The following CCDC91 variants were observed in gnomAD, a reference collection of about 807,000 sequenced individuals.
CCDC91 encodes the protein coiled-coil domain-containing protein 91.
Under a neutral mutation model 63.2 loss-of-function variants are expected in CCDC91, and 48 were observed. The observed-to-expected ratio is 0.76, with a 90% CI of 0.60 to 0.97. CCDC91 has a LOEUF of 0.97. Ranked by LOEUF, CCDC91 falls within the 50% of genes least tolerant of loss-of-function variation. CCDC91 has a pLI of 0.00. For synonymous variants in CCDC91, 167 were observed against 165.8 expected (o/e 1.01, Z -0.06); for missense variants, 500 against 494.6 (o/e 1.01, Z -0.10).
At chr12:28,423,215 A>G (rs1392589462) in intron 8 of CCDC91, among the ~76,000 whole-genome samples, 3 of 152,120 alleles carry the variant, frequency 2.0e-5, no homozygotes, top group Non-Finnish European at 4.4e-5. Context: ...GACTACAAAT[A>G]GAGAAAAATT....
At chr12:28,272,455 TAC>T (rs1947847590) in intron 3 of CCDC91, among the ~76,000 whole-genome samples, 1 of 146,856 alleles carries the variant, frequency 6.8e-6, no homozygotes, top group Non-Finnish European at 1.5e-5. Context: ...AAACTCTCTC[TAC>T]TATGTCCATT....
At chr12:28,224,267 A>G (rs1944133783) in intron 1 of CCDC91, among the ~76,000 whole-genome samples, 1 of 152,122 alleles carries the variant, frequency 6.6e-6, no homozygotes, top group South Asian at 2.1e-4. Context: ...GGTCTGCTTT[A>G]CCAACAATTT....
chr12:28,417,575 A>T (rs1209138527), intron 8 of CCDC91, among the ~76,000 whole-genome samples: 1 of 151,626 alleles, frequency 6.6e-6, no homozygotes, highest in African/African-American at 2.4e-5. Context: ...ATAAATGTAT[A>T]TATTAAAATT....
chr12:28,350,779 T>A (rs1443840430), intron 6 of CCDC91, among the ~76,000 whole-genome samples: 2 of 152,198 alleles, frequency 1.3e-5, no homozygotes, highest in Non-Finnish European at 2.9e-5. Context: ...CTTCTGGCAG[T>A]ATGACTGACT....
chr12:28,316,516 T>C (rs1273112735), intron 6 of CCDC91, among the ~76,000 whole-genome samples: 2 of 149,620 alleles, frequency 1.3e-5, no homozygotes, highest in African/African-American at 4.9e-5. Context: ...TTCTTTTTAT[T>C]TTATTTATTT....
intron 6 of CCDC91, among the ~76,000 whole-genome samples, chr12:28,353,157 A>G (rs1422513956): frequency 6.6e-6 from 1 of 152,178 alleles, no homozygotes; most frequent in Non-Finnish European, 1.5e-5. Context: ...ATCTCTGATA[A>G]CCTCAGATTT....
intron 1 of CCDC91, among the ~76,000 whole-genome samples, chr12:28,247,441 C>G (rs1327615248): frequency 6.8e-6 from 1 of 146,022 alleles, no homozygotes; most frequent in East Asian, 2.0e-4. Context: ...GACCGGGCCA[C>G]TGCACTCCAG....
At chr12:28,300,300 A>G (rs1270354800) in intron 3 of CCDC91, among the ~76,000 whole-genome samples, 2 of 151,508 alleles carry the variant, frequency 1.3e-5, no homozygotes, top group African/African-American at 4.8e-5. Context: ...CAACTAATCA[A>G]TTGTTCTATC....
intron 7 of CCDC91, among the ~76,000 whole-genome samples, chr12:28,370,850 A>C (rs1944575169): frequency 6.6e-6 from 1 of 152,164 alleles, no homozygotes; most frequent in Non-Finnish European, 1.5e-5. Flanking sequence ...AAGTGGGAAG[A>C]GCCACACTTT....
chr12:28,415,608 T>C (rs1417623736), intron 8 of CCDC91, among the ~76,000 whole-genome samples: 5 of 152,084 alleles, frequency 3.3e-5, no homozygotes, highest in Non-Finnish European at 1.5e-5. Flanking sequence ...AACATGGAAA[T>C]TTTTTTGTAA....
chr12:28,211,884 C>T (rs1436814285), intron 1 of CCDC91, among the ~76,000 whole-genome samples: 1 of 152,024 alleles, frequency 6.6e-6, no homozygotes, highest in African/African-American at 2.4e-5. Context: ...AGTTTGCTAC[C>T]AGTTTCTTTG....
chr12:28,407,900 C>T (rs1322757667), intron 8 of CCDC91, among the ~76,000 whole-genome samples: 1 of 150,852 alleles, frequency 6.6e-6, no homozygotes, highest in African/African-American at 2.4e-5. Flanking sequence ...CTCATGCTTG[C>T]TGCTAGGACA....
intron 3 of CCDC91, among the ~76,000 whole-genome samples, chr12:28,281,144 T>G (rs1948588318): frequency 6.6e-6 from 1 of 152,212 alleles, no homozygotes; most frequent in Non-Finnish European, 1.5e-5. Flanking sequence ...TAATGCTATT[T>G]AGTCTTAATA....
intron 8 of CCDC91, among the ~76,000 whole-genome samples, chr12:28,417,889 TA>T (rs1336602934): frequency 1.3e-5 from 2 of 152,136 alleles, no homozygotes; most frequent in Non-Finnish European, 2.9e-5. Context: ...GTTGTATATT[TA>T]TTCATAGTTT....
intron 1 of CCDC91, among the ~76,000 whole-genome samples, chr12:28,226,365 C>G (rs1366048577): frequency 6.6e-6 from 1 of 152,140 alleles, no homozygotes; most frequent in Non-Finnish European, 1.5e-5. Flanking sequence ...GTCTTAAATT[C>G]TGTGGATTCT....
At chr12:28,391,524 A>G in intron 8 of CCDC91, 113 bp downstream of exon 8, 1 of 590,976 alleles carries the variant, frequency 1.7e-6, no homozygotes, top group Non-Finnish European at 2.9e-6. Context: ...TATTTTGGAG[A>G]AAAAATGTGC....
intron 8 of CCDC91, among the ~76,000 whole-genome samples, chr12:28,403,602 C>A (rs1946764456): frequency 6.6e-6 from 1 of 152,070 alleles, no homozygotes; most frequent in Non-Finnish European, 1.5e-5. Flanking sequence ...CAAATGCCCC[C>A]CCTCCTAATA....
intron 8 of CCDC91, among the ~76,000 whole-genome samples, chr12:28,423,469 A>T (rs1948128454): frequency 6.6e-6 from 1 of 152,144 alleles, no homozygotes; most frequent in Admixed American, 6.6e-5. Flanking sequence ...ATCCACTTGG[A>T]GGATAGGACT....
At chr12:28,459,994 A>G (rs966316095) in intron 11 of CCDC91, among the ~76,000 whole-genome samples, 2 of 152,142 alleles carry the variant, frequency 1.3e-5, no homozygotes, top group African/African-American at 4.8e-5. Flanking sequence ...TAATTTACAT[A>G]TAGGTACTTG....
Sources: gnomAD v4.1 joint callset for allele counts (sites outside exome capture counted in the v4.1 genomes callset) on GRCh38, gnomAD v4.1.1 for gene constraint, MANE v1.5 for transcripts, NCBI Gene and HGNC (gene_info 2026-07-23, HGNC 2026-07-21) for gene names.